The following LRRC36 variants were observed in gnomAD, a reference collection of about 807,000 sequenced individuals.
The protein encoded by LRRC36 is leucine-rich repeat-containing protein 36.
A neutral mutation model predicts 81.1 loss-of-function variants in LRRC36; 62 were observed. The ratio of observed to expected loss-of-function variants is 0.76; its 90% CI spans 0.62 to 0.94. The LOEUF is 0.94. Among genes scored for constraint, LRRC36 ranks in the 40% least tolerant of loss-of-function variants. The pLI, the probability that LRRC36 is intolerant of heterozygous loss-of-function variation, is 0.00. For missense variants in LRRC36, 761 were observed against 881.7 expected (o/e 0.86, Z 1.73); for synonymous variants, 334 against 348.6 (o/e 0.96, Z 0.47).
In LRRC36 at chr16:67,384,975, G is replaced by A; in HGVS notation, c.2151G>A (p.Gly717=). The change falls in exon 14 of 14, where the codon GGG becomes GGA. Residue 717 remains glycine (G), a synonymous_variant. Transcript: ENST00000329956. ...CTCCTGAGAAGGGTCATCATCTGGG[G>A]AGATCATCGCCCTTTGGGAAAAGCA... ...LLPPEKGHHL[G]RSSPFGKSTL... 6.2e-7 allele frequency: 1 copy of A among 1,614,206 alleles called. No individual in the cohort carries two copies.
intron 12 of LRRC36, among the ~76,000 whole-genome samples, chr16:67,379,519 C>G (rs192810869): frequency 0.011 from 1,627 of 152,248 alleles, 12 homozygotes; most frequent in Non-Finnish European, 0.015. Context: ...GAGTTCAAGA[C>G]CAGCCTGGCC....
At chr16:67,331,446 C>T (rs2037487188) in intron 1 of LRRC36, among the ~76,000 whole-genome samples, 2 of 152,044 alleles carry the variant, frequency 1.3e-5, no homozygotes, top group South Asian at 2.1e-4. Flanking sequence ...GATCCTCTGA[C>T]CCCAGGAGTT....
At chr16:67,351,030 C>T (rs931579155) in intron 5 of LRRC36, among the ~76,000 whole-genome samples, 1 of 152,078 alleles carries the variant, frequency 6.6e-6, no homozygotes, top group African/African-American at 2.4e-5. Context: ...AAAAGTGAAA[C>T]TCCATCTTAA....
chr16:67,363,768 T>C, intron 6 of LRRC36, 54 bp downstream of exon 6: 1 of 1,569,420 alleles, frequency 6.4e-7, no homozygotes, highest in Non-Finnish European at 8.7e-7. Flanking sequence ...TTAATACTGA[T>C]AATTCAGTGG....
At chr16:67,352,124 T>C (rs1220400956) in intron 5 of LRRC36, among the ~76,000 whole-genome samples, 1 of 152,250 alleles carries the variant, frequency 6.6e-6, no homozygotes, top group African/African-American at 2.4e-5. Flanking sequence ...GTACTTTCTC[T>C]TCTAAGAACA....
In LRRC36 at chr16:67,332,102, C is replaced by T. The variant is rs868662540; in HGVS notation, c.70+5170C>T. Among the ~76,000 whole-genome samples the T allele has an allele frequency of 5.9e-5, 9 of 152,184 alleles. No homozygotes were observed. The South Asian group carries it at 1.9e-3, about 32-fold the overall frequency. On this transcript the variant is annotated intron_variant, in intron 1 of 13. Coordinates refer to ENST00000329956, the MANE Select transcript of LRRC36 (RefSeq NM_018296.6). ...TTCCAAATGAGCTGTAAATGGTTTTCATTAGAGAGACTACTTGATTTGTTA... is the reference window on the plus strand; with the variant it reads ...TTCCAAATGAGCTGTAAATGGTTTTTATTAGAGAGACTACTTGATTTGTTA...
In LRRC36 at chr16:67,385,135, T is replaced by A. The variant is rs2040250311; in HGVS notation, c.*46T>A. On this transcript the variant is annotated 3_prime_UTR_variant, in exon 14 of 14. Coordinates refer to ENST00000329956, the MANE Select transcript of LRRC36 (RefSeq NM_018296.6). ...CACAGCTTCCCTGGTCCACAGAGGC[T>A]CTCACCGCCATTGCCACCAGTATGG... The A allele has an allele frequency of 6.2e-6, 9 of 1,456,990 alleles. No individual in the cohort carries two copies. In the East Asian group the frequency reaches 2.1e-4, roughly 33 times the overall value. 90.3% of individuals were successfully genotyped at this position (1,456,990 alleles called of 1,614,324 possible).
intron 2 of LRRC36, among the ~76,000 whole-genome samples, chr16:67,344,087 G>A (rs991294678): frequency 6.6e-6 from 1 of 152,132 alleles, no homozygotes; most frequent in African/African-American, 2.4e-5. Flanking sequence ...AAAGTGCTGG[G>A]ATTAGAGGCA....
At chr16:67,337,258 G>A (rs2037805692) in intron 1 of LRRC36, among the ~76,000 whole-genome samples, 1 of 152,120 alleles carries the variant, frequency 6.6e-6, no homozygotes, top group African/African-American at 2.4e-5. Context: ...TATATACCCA[G>A]AAGTGGAGTT....
intron 3 of LRRC36, among the ~76,000 whole-genome samples, chr16:67,346,687 A>T (rs1314645968): frequency 6.6e-6 from 1 of 152,056 alleles, no homozygotes; most frequent in Non-Finnish European, 1.5e-5. Flanking sequence ...TGATGGTTTC[A>T]CCGCCCCTTC....
intron 11 of LRRC36, among the ~76,000 whole-genome samples, chr16:67,377,131 A>T (rs2039932116): frequency 6.6e-6 from 1 of 152,190 alleles, no homozygotes; most frequent in Admixed American, 6.5e-5. Flanking sequence ...AAATAGCTCT[A>T]GAGTGGAAAT....
intron 5 of LRRC36, among the ~76,000 whole-genome samples, chr16:67,354,594 A>C (rs2142052840): frequency 6.6e-6 from 1 of 152,222 alleles, no homozygotes; most frequent in South Asian, 2.1e-4. Flanking sequence ...CTGATTTTTA[A>C]AACATATTTT....
intron 5 of LRRC36, among the ~76,000 whole-genome samples, chr16:67,355,972 G>A (rs1287930438): frequency 1.3e-5 from 2 of 152,152 alleles, no homozygotes; most frequent in Non-Finnish European, 2.9e-5. Context: ...AGGATGGTAG[G>A]TCATGAAGAA....
At chr16:67,384,140 T>C (rs1234384744) in intron 13 of LRRC36, among the ~76,000 whole-genome samples, 1 of 152,194 alleles carries the variant, frequency 6.6e-6, no homozygotes, top group Non-Finnish European at 1.5e-5. Flanking sequence ...GCTTTTAACA[T>C]TAGATGGTAA....
chr16:67,349,435 G>C (rs961454037), intron 4 of LRRC36, among the ~76,000 whole-genome samples: 3 of 152,048 alleles, frequency 2.0e-5, no homozygotes, highest in African/African-American at 7.2e-5. Context: ...TACAGCCTAG[G>C]CTTTGTGTAC....
At chr16:67,348,477 T>G (rs1004856510) in intron 4 of LRRC36, 4 of 152,102 alleles carry the variant, frequency 2.6e-5, no homozygotes, top group Non-Finnish European at 5.9e-5. Context: ...TTTTTCTTTT[T>G]GAGACGGAGT....
At chr16:67,343,389 CT>C (rs943674803) in intron 2 of LRRC36, among the ~76,000 whole-genome samples, 3 of 151,860 alleles carry the variant, frequency 2.0e-5, no homozygotes, top group African/African-American at 2.4e-5. Context: ...AGTGAGACCC[CT>C]ATCTCTATTT....
intron 13 of LRRC36, 81 bp downstream of exon 13, chr16:67,382,328 T>A (rs1347805410): frequency 1.0e-6 from 1 of 987,230 alleles, no homozygotes; most frequent in Non-Finnish European, 1.5e-6. Flanking sequence ...GGAAAGTTAA[T>A]ATCTATGCAC....
At chr16:67,359,384 T>G (rs1385165690) in intron 5 of LRRC36, among the ~76,000 whole-genome samples, 1 of 152,186 alleles carries the variant, frequency 6.6e-6, no homozygotes, top group Non-Finnish European at 1.5e-5. Context: ...GACAAAAAGG[T>G]CATATATTGT....
Sources: gnomAD v4.1 joint callset for allele counts (sites outside exome capture counted in the v4.1 genomes callset) on GRCh38, gnomAD v4.1.1 for gene constraint, MANE v1.5 for transcripts, NCBI Gene and HGNC (gene_info 2026-07-23, HGNC 2026-07-21) for gene names.